The following SNRPN variants were observed in gnomAD, a reference collection of about 807,000 sequenced individuals.
SNRPN encodes the protein small nuclear ribonucleoprotein-associated protein N.
SNRPN carries 7 observed loss-of-function variants against 25.2 expected under a neutral mutation model. That is an observed-to-expected ratio of 0.28 (90% CI 0.16 to 0.52). SNRPN has a LOEUF of 0.52. Ranked by LOEUF, SNRPN falls within the 20% of genes least tolerant of loss-of-function variation. SNRPN has a pLI of 0.96. For missense variants in SNRPN, 196 were observed against 322.5 expected (o/e 0.61, Z 3.00); for synonymous variants, 124 against 110.6 (o/e 1.12, Z -0.76).
chr15:24,850,803 G>A (rs888867386), intron 2 of SNRPN: 3 of 152,178 alleles, frequency 2.0e-5, no homozygotes, highest in African/African-American at 7.2e-5. Context: ...GCTCACTCCT[G>A]TCCTAAAAGC....
At chr15:24,842,325 G>A (rs1313118213) in intron 2 of SNRPN, among the ~76,000 whole-genome samples, 10 of 152,174 alleles carry the variant, frequency 6.6e-5, no homozygotes, top group African/African-American at 2.4e-4. Context: ...CCGCTGCAGT[G>A]CTACAACTGC....
intron 1 of SNRPN, among the ~76,000 whole-genome samples, chr15:24,862,895 C>T (rs984760553): frequency 2.7e-5 from 4 of 150,502 alleles, no homozygotes; most frequent in East Asian, 2.0e-4. Context: ...TTGGAAGGAT[C>T]GCTGGGATGA....
intron 1 of SNRPN, among the ~76,000 whole-genome samples, chr15:24,880,143 G>A (rs903487148): frequency 1.3e-5 from 2 of 152,138 alleles, no homozygotes; most frequent in East Asian, 3.9e-4. Flanking sequence ...GACCTATGAC[G>A]ACTCCTGGCA....
intron 2 of SNRPN, among the ~76,000 whole-genome samples, chr15:24,908,342 A>G (rs1366619840): frequency 6.6e-6 from 1 of 152,166 alleles, no homozygotes; most frequent in East Asian, 1.9e-4. Context: ...AGGCTGGAAG[A>G]GTTTGGAAGT....
chr15:24,851,942 T>C (rs1051957545), upstream of SNRPN: 10 of 152,234 alleles, frequency 6.6e-5, no homozygotes, highest in African/African-American at 2.4e-4. Flanking sequence ...TCTCAGATGA[T>C]GACATGTATT....
At chr15:24,867,322 T>C (rs1449569452) in intron 1 of SNRPN, among the ~76,000 whole-genome samples, 1 of 152,056 alleles carries the variant, frequency 6.6e-6, no homozygotes, top group African/African-American at 2.4e-5. Context: ...AGGTATAATA[T>C]CTCATTTTGA....
chr15:24,833,269 T>G (rs1341818212), intron 2 of SNRPN, among the ~76,000 whole-genome samples: 1 of 151,854 alleles, frequency 6.6e-6, no homozygotes, highest in African/African-American at 2.4e-5. Context: ...CAGTAGATAC[T>G]TGATTAGAAT....
At chr15:24,922,849 T>C (rs1273194913) in intron 3 of SNRPN, among the ~76,000 whole-genome samples, 1 of 149,558 alleles carries the variant, frequency 6.7e-6, no homozygotes, top group Non-Finnish European at 1.5e-5. Context: ...AGACATATCA[T>C]TATCCTAGTA....
intron 2 of SNRPN, among the ~76,000 whole-genome samples, chr15:24,835,107 C>CTATATATAAAATATATAGTA (rs199967194): frequency 2.8e-5 from 1 of 36,304 alleles, no homozygotes. Flanking sequence ...GATATATATA[C>CTATATATAAAATATATAGTA]TATATATCTA....
chr15:24,872,174 CT>C lies in SNRPN; in HGVS notation c.-578-14333del, dbSNP rs1299835862. 6.0e-5 allele frequency among the ~76,000 whole-genome samples: 7 copies of C among 117,438 alleles called. 1 individual carries two copies. The highest frequency in any genetic ancestry group is 9.5e-5 in the Admixed American group (1 of 10,526). The allele number at this position is 117,438 out of a possible 152,430, so 77.0% of individuals were successfully genotyped here. A position where few individuals can be genotyped will look rare whatever the true frequency, so the allele number is the denominator to read the frequency against. On this transcript the variant is annotated intron_variant, in intron 1 of 11. Transcript: ENST00000400097. ...CCATGAAGATACATTTTTAAAATAACTTTTTTTTTGAGACATGAGTATCACT... is the reference window on the plus strand; with the variant it reads ...CCATGAAGATACATTTTTAAAATAACTTTTTTTTGAGACATGAGTATCACT...
chr15:24,878,283 C>T (rs1300954390), intron 1 of SNRPN, among the ~76,000 whole-genome samples: 5 of 152,136 alleles, frequency 3.3e-5, no homozygotes, highest in African/African-American at 1.2e-4. Context: ...ACCCACATGG[C>T]TATTACCGCA....
At chr15:24,973,547 A>G (rs866072009) in intron 3 of SNRPN, among the ~76,000 whole-genome samples, 32 of 151,850 alleles carry the variant, frequency 2.1e-4, no homozygotes, top group African/African-American at 7.7e-4. Context: ...ACAGGCACCC[A>G]CCACCATGCC....
At chr15:24,854,872 C>T (rs975228425), upstream of SNRPN, among the ~76,000 whole-genome samples, 38 of 152,104 alleles carry the variant, frequency 2.5e-4, no homozygotes, top group African/African-American at 9.2e-4. Context: ...TGGTGATGGG[C>T]ACCTGCAGTC....
chr15:24,878,816 T>G (rs2056282416), intron 1 of SNRPN, among the ~76,000 whole-genome samples: 1 of 152,012 alleles, frequency 6.6e-6, no homozygotes, highest in Non-Finnish European at 1.5e-5. Flanking sequence ...TTTTAAGAAA[T>G]GAGATACTAC....
intron 1 of SNRPN, among the ~76,000 whole-genome samples, chr15:24,881,597 G>GC (rs2056664168): frequency 1.7e-5 from 1 of 58,628 alleles, no homozygotes; most frequent in African/African-American, 7.9e-5. Context: ...GAGAGAGAGA[G>GC]AGAGAGAGAG....
At chr15:24,915,201 C>T (rs1231926130) in intron 2 of SNRPN, among the ~76,000 whole-genome samples, 1 of 151,992 alleles carries the variant, frequency 6.6e-6, no homozygotes, top group Non-Finnish European at 1.5e-5. Flanking sequence ...GATCTCGGCT[C>T]ACTGTAACCT....
chr15:24,883,980 G>A (rs993712412), intron 1 of SNRPN, among the ~76,000 whole-genome samples: 1 of 142,578 alleles, frequency 7.0e-6, no homozygotes, highest in African/African-American at 2.7e-5. Context: ...CACTCCAGCT[G>A]GGACAACAGA....
At chr15:24,959,493 A>G (rs1057332485) in intron 1 of SNRPN, among the ~76,000 whole-genome samples, 1 of 152,104 alleles carries the variant, frequency 6.6e-6, no homozygotes, top group South Asian at 2.1e-4. Context: ...AAATAATAGA[A>G]TATTTTGGTT....
intron 3 of SNRPN, among the ~76,000 whole-genome samples, chr15:24,941,479 G>A (rs1229032434): frequency 6.6e-6 from 1 of 152,170 alleles, no homozygotes; most frequent in East Asian, 1.9e-4. Flanking sequence ...TTTATCTGGT[G>A]GGGTGACCCA....
Sources: gnomAD v4.1 joint callset for allele counts (sites outside exome capture counted in the v4.1 genomes callset) on GRCh38, gnomAD v4.1.1 for gene constraint, MANE v1.5 for transcripts, NCBI Gene and HGNC (gene_info 2026-07-23, HGNC 2026-07-21) for gene names.